The following NOX4 variants were observed in gnomAD, a reference collection of about 807,000 sequenced individuals.
The protein encoded by NOX4 is NADPH oxidase 4, also known as kidney oxidase-1.
NOX4 carries 69 observed loss-of-function variants against 87.6 expected under a neutral mutation model. The ratio of observed to expected loss-of-function variants is 0.79; its 90% CI spans 0.65 to 0.96. NOX4 has a LOEUF of 0.96. NOX4 is among the 40% of genes least tolerant of loss of function. The probability of loss-of-function intolerance (pLI) is 0.00; values close to 1 mark genes in which losing one functional copy is unlikely to be tolerated. For missense variants in NOX4, 680 were observed against 681.5 expected, an observed-to-expected ratio of 1.00 and a Z score of 0.02; for synonymous variants, 275 against 238.2, an observed-to-expected ratio of 1.15 and a Z score of -1.42.
intron 13 of NOX4, among the ~76,000 whole-genome samples, chr11:89,350,310 T>C (rs952750247): frequency 1.1e-4 from 16 of 152,204 alleles, no homozygotes; most frequent in African/African-American, 3.4e-4. Context: ...CATACACATA[T>C]ACATTTCAGA....
intron 2 of NOX4, among the ~76,000 whole-genome samples, chr11:89,477,506 A>T (rs570484946): frequency 8.6e-5 from 13 of 151,954 alleles, no homozygotes; most frequent in Non-Finnish European, 1.9e-4. Flanking sequence ...TGGCTTGGGG[A>T]CTGGGGACCG....
chr11:89,497,043 A>G (rs1244655779), upstream of NOX4, among the ~76,000 whole-genome samples: 1 of 152,206 alleles, frequency 6.6e-6, no homozygotes, highest in African/African-American at 2.4e-5. Flanking sequence ...TTGTTGAACC[A>G]GGACTTCTAC....
At chr11:89,433,130 C>T (rs777641394) in intron 6 of NOX4, among the ~76,000 whole-genome samples, 3 of 152,020 alleles carry the variant, frequency 2.0e-5, no homozygotes, top group African/African-American at 7.2e-5. Flanking sequence ...GAGTAATTAG[C>T]ATATCCATCC....
In NOX4 at chr11:89,372,580, T is replaced by C. The variant is rs561870641; in HGVS notation, c.1135+852A>G. Among the ~76,000 whole-genome samples the C allele has an allele frequency of 1.7e-4, 26 of 152,106 alleles. No individual in the cohort carries two copies. The East Asian group carries it at 4.6e-3, about 27-fold the overall frequency. On this transcript the variant is annotated intron_variant, in intron 12 of 17. Transcript: ENST00000263317. Reference sequence around the variant, plus strand: ...TTAAATTACCTACATCTTTCTTCATTTGCCTGACTCCTAAGCTTCAGTTCA... The same window carrying C: ...TTAAATTACCTACATCTTTCTTCATCTGCCTGACTCCTAAGCTTCAGTTCA...
At chr11:89,469,870 T>G (rs1280966397) in intron 2 of NOX4, among the ~76,000 whole-genome samples, 2 of 152,108 alleles carry the variant, frequency 1.3e-5, no homozygotes, top group Non-Finnish European at 2.9e-5. Context: ...TGGGCTATTT[T>G]AAAATAAACC....
At chr11:89,423,530 G>A (rs9299894) in intron 7 of NOX4, among the ~76,000 whole-genome samples, 16,054 of 151,920 alleles carry the variant, frequency 0.11, 1,022 homozygotes, top group South Asian at 0.21. Context: ...TTGTCCCTTG[G>A]TTCAATGTGT....
chr11:89,402,059 T>C (rs1425515611), intron 9 of NOX4, among the ~76,000 whole-genome samples: 1 of 152,094 alleles, frequency 6.6e-6, no homozygotes, highest in Non-Finnish European at 1.5e-5. Flanking sequence ...ATATTTGTCA[T>C]CTCTTGGCTG....
intron 8 of NOX4, among the ~76,000 whole-genome samples, chr11:89,412,623 A>C (rs1942539250): frequency 6.6e-6 from 1 of 152,108 alleles, no homozygotes; most frequent in Non-Finnish European, 1.5e-5. Flanking sequence ...GATAATGGAA[A>C]TACAACATGC....
chr11:89,486,981 CT>C (rs1318717163), intron 2 of NOX4, among the ~76,000 whole-genome samples: 39 of 151,764 alleles, frequency 2.6e-4, no homozygotes, highest in Admixed American at 2.3e-3. Context: ...TTTCTTTTTC[CT>C]TTTTTTAATG....
At chr11:89,355,128 T>C in intron 12 of NOX4, 85 bp from the exon 13 acceptor site, 1 of 1,012,758 alleles carries the variant, frequency 9.9e-7, no homozygotes, top group Non-Finnish European at 1.5e-6. Flanking sequence ...CCTATTGGTT[T>C]ATTTTGTTAG....
chr11:89,388,284 C>A (rs1299148417), intron 11 of NOX4, among the ~76,000 whole-genome samples: 1 of 152,138 alleles, frequency 6.6e-6, no homozygotes, highest in Admixed American at 6.6e-5. Context: ...ACTCATTCAC[C>A]ATTCTTCCAG....
chr11:89,484,642 C>T (rs962975671), intron 2 of NOX4, among the ~76,000 whole-genome samples: 8 of 151,898 alleles, frequency 5.3e-5, no homozygotes, highest in Non-Finnish European at 1.0e-4. Flanking sequence ...TTTTCCATTT[C>T]GGAAAATGAA....
chr11:89,412,718 T>C (rs1436505514), intron 8 of NOX4, among the ~76,000 whole-genome samples: 1 of 152,078 alleles, frequency 6.6e-6, no homozygotes, highest in Non-Finnish European at 1.5e-5. Context: ...CCTGAAACTA[T>C]GAAACCTCTA....
rs548651296 is a variant in NOX4 at position 89,390,306 on chromosome 11, G to T, written c.1074+9711C>A. On this transcript the variant is annotated intron_variant, in intron 11 of 17. Coordinates refer to ENST00000263317, the MANE Select transcript of NOX4 (RefSeq NM_016931.5). ...TTATGAAAACAAAAACTCCCTTGGG[G>T]GATAGTACAAATGAGCGAGCTTGTA... is the stretch of plus-strand genomic sequence containing the variant. 6.2e-4 allele frequency among the ~76,000 whole-genome samples: 95 copies of T among 152,220 alleles called. 3 individuals are homozygous for T. The South Asian group carries it at 0.019, about 31-fold the overall frequency.
chr11:89,423,753 A>AT (rs1555023823), intron 7 of NOX4, among the ~76,000 whole-genome samples: 3 of 151,240 alleles, frequency 2.0e-5, no homozygotes, highest in African/African-American at 7.3e-5. Context: ...ACTCCTTAAA[A>AT]ATATATATAT....
chr11:89,345,265 A>T (rs927314097), intron 13 of NOX4, among the ~76,000 whole-genome samples: 1 of 152,186 alleles, frequency 6.6e-6, no homozygotes, highest in Non-Finnish European at 1.5e-5. Flanking sequence ...CTGATAGAGC[A>T]GGTAAGGAGG....
intron 5 of NOX4, among the ~76,000 whole-genome samples, chr11:89,442,524 G>C (rs1202794143): frequency 1.3e-5 from 2 of 152,110 alleles, no homozygotes; most frequent in African/African-American, 4.8e-5. Context: ...GTCATATGGA[G>C]AGAATGAGAT....
chr11:89,477,220 C>T (rs1946201675), intron 2 of NOX4, among the ~76,000 whole-genome samples: 1 of 152,066 alleles, frequency 6.6e-6, no homozygotes, highest in African/African-American at 2.4e-5. Context: ...CTAAATGGTC[C>T]TATCTGGGGG....
chr11:89,581,962 T>C, the NOX4 span, among the ~76,000 whole-genome samples: 1 of 152,162 alleles, frequency 6.6e-6, no homozygotes, highest in Non-Finnish European at 1.5e-5. Flanking sequence ...ACAGTAGATA[T>C]CCAAAACTTA....
Sources: gnomAD v4.1 joint callset for allele counts (sites outside exome capture counted in the v4.1 genomes callset) on GRCh38, gnomAD v4.1.1 for gene constraint, MANE v1.5 for transcripts, NCBI Gene and HGNC (gene_info 2026-07-23, HGNC 2026-07-21) for gene names.